RPE65: variants seen among roughly 807,000 people sequenced by gnomAD.
The protein encoded by RPE65 is retinoid isomerohydrolase RPE65.
RPE65 carries 58 observed loss-of-function variants against 68.5 expected under a neutral mutation model. The ratio of observed to expected loss-of-function variants is 0.85; its 90% confidence interval spans 0.69 to 1.05. RPE65 has a LOEUF of 1.05. RPE65 is among the 50% of genes least tolerant of loss of function. The pLI is 0.00. For synonymous variants in RPE65, 220 were observed against 222.2 expected (o/e 0.99, Z 0.09); for missense variants, 643 against 629.9 (o/e 1.02, Z -0.22).
At chr1:68,444,324 C>T (rs1645925707) in intron 5 of RPE65, among the ~76,000 whole-genome samples, 1 of 152,188 alleles carries the variant, frequency 6.6e-6, no homozygotes, top group South Asian at 2.1e-4. Context: ...TAATGTGGCT[C>T]TCATGTTCTT....
rs1408419817 is a variant in RPE65 at position 68,439,455 on chromosome 1, A to T, written c.725+106T>A. ...CATGAAATTAATTATGTTTAAATTTAGTTTTCTGCAAAAAAATATTGTGAT... is the reference window on the plus strand; with the variant it reads ...CATGAAATTAATTATGTTTAAATTTTGTTTTCTGCAAAAAAATATTGTGAT... On this transcript the variant is annotated intron_variant, in intron 7 of 13. Coordinates refer to ENST00000262340, the MANE Select transcript of RPE65 (RefSeq NM_000329.3). 8.4e-6 allele frequency: 13 copies of T among 1,549,630 alleles called. No individual in the cohort carries two copies. In the Admixed American group the frequency reaches 2.2e-4, roughly 26 times the overall value.
chr1:68,444,447 A>T, intron 5 of RPE65, 84 bp downstream of exon 5: 1 of 1,540,594 alleles, frequency 6.5e-7, no homozygotes, highest in Non-Finnish European at 9.0e-7. Flanking sequence ...AGAATCATAC[A>T]TTCGCAGCAT....
At chr1:68,439,704 C>T in intron 6 of RPE65, 62 bp from the exon 7 acceptor site, 1 of 1,260,858 alleles carries the variant, frequency 7.9e-7, no homozygotes, top group Non-Finnish European at 1.2e-6. Context: ...TAATACAAAG[C>T]ATTTAGAACA....
intron 10 of RPE65, among the ~76,000 whole-genome samples, chr1:68,433,579 C>T (rs375570089): frequency 6.6e-5 from 10 of 151,926 alleles, no homozygotes; most frequent in Admixed American, 6.6e-4. Flanking sequence ...AGTGTGGAGG[C>T]GGGAAGTGGG....
At chr1:68,442,832 C>T (rs913432138) in intron 5 of RPE65, among the ~76,000 whole-genome samples, 2 of 152,194 alleles carry the variant, frequency 1.3e-5, no homozygotes, top group African/African-American at 2.4e-5. Flanking sequence ...GTTACACACA[C>T]ACAACATAAA....
rs747122876 is a variant in RPE65, at chr1:68,440,920, A to G, written c.576T>C (p.Ile192=). The part of the protein sequence containing the change: ...HIENDGTVYN[I]GNCFGKNFSI... ...AAAAATTTTTTCCAAAGCAATTACCAATATTGTAAACGGTTCCATCATTTT... is the reference window on the plus strand; with the variant it reads ...AAAAATTTTTTCCAAAGCAATTACCGATATTGTAAACGGTTCCATCATTTT... Residue 192 remains isoleucine (I), a synonymous_variant, in exon 6 of 14, where the codon ATT becomes ATC. Transcript: ENST00000262340. 3 of 1,614,052 alleles carry G rather than the reference A, an allele frequency of 1.9e-6. No homozygotes were observed. Among genetic ancestry groups the G allele is most frequent in the Non-Finnish European group, 2.5e-6 (3 of 1,179,940 alleles).
chr1:68,438,984 T>A lies in RPE65; in HGVS notation c.956A>T (p.Glu319Val). The change falls in exon 9 of 14, where the codon GAA becomes GTA. Residue 319 changes from glutamate (E) to valine (V), a missense_variant. Coordinates refer to ENST00000262340, the MANE Select transcript of RPE65 (RefSeq NM_000329.3). ...FNLFHHINTY[E>V]DNGFLIVDLC... Reference sequence around the variant, plus strand: ...ATCCACAATCAGAAACCCATTGTCTTCATAGGTGTTGATGTGATGGAAGAG... The same window carrying A: ...ATCCACAATCAGAAACCCATTGTCTACATAGGTGTTGATGTGATGGAAGAG... 3 of 1,614,088 alleles carry A rather than the reference T, an allele frequency of 1.9e-6. No individual in the cohort carries two copies. The highest frequency in any genetic ancestry group is 2.5e-6 in the Non-Finnish European group (3 of 1,179,964).
intron 10 of RPE65, among the ~76,000 whole-genome samples, chr1:68,437,820 C>G (rs1443981424): frequency 6.6e-6 from 1 of 152,162 alleles, no homozygotes; most frequent in Non-Finnish European, 1.5e-5. Context: ...TGCTTCATCT[C>G]TCCAGAACTT....
In RPE65 at chr1:68,444,659, A is replaced by G. The variant is rs761099368; in HGVS notation, c.367T>C (p.Phe123Leu). Residue 123 changes from phenylalanine (F) to leucine (L), a missense_variant, in exon 5 of 14, where the codon TTT becomes CTT. Phe to Leu is a conservative substitution (Grantham distance 22, BLOSUM62 0). Coordinates refer to ENST00000262340, the MANE Select transcript of RPE65 (RefSeq NM_000329.3). ...TTGTCAGTAACCTCTACTCCTCGAAAGTAAGAAAAAAACCTGTAGAAACAA... is the reference window on the plus strand; with the variant it reads ...TTGTCAGTAACCTCTACTCCTCGAAGGTAAGAAAAAAACCTGTAGAAACAA... ...KNIFSRFFSY[F>L]RGVEVTDNAL... is the part of the protein sequence containing the mutation. The G allele has an allele frequency of 6.2e-7, 1 of 1,614,220 alleles. No individual in the cohort carries two copies. The highest frequency in any genetic ancestry group is 1.7e-5 in the Admixed American group (1 of 60,032).
chr1:68,435,683 T>C (rs1645858009), intron 10 of RPE65, among the ~76,000 whole-genome samples: 1 of 152,210 alleles, frequency 6.6e-6, no homozygotes, highest in South Asian at 2.1e-4. Flanking sequence ...CTTCAGTTGT[T>C]CTGCCTCAAT....
chr1:68,442,982 T>C (rs894952584), intron 5 of RPE65, among the ~76,000 whole-genome samples: 2 of 152,248 alleles, frequency 1.3e-5, no homozygotes, highest in African/African-American at 4.8e-5. Context: ...TTTGTGGTTC[T>C]GGCTTTTAGT....
chr1:68,431,492 G>A lies in RPE65; in HGVS notation c.1222C>T (p.Leu408Phe). The A allele has an allele frequency of 6.2e-7, 1 of 1,613,928 alleles. No individual in the cohort carries two copies. Among genetic ancestry groups the A allele is most frequent in the Non-Finnish European group, 8.5e-7 (1 of 1,179,894 alleles). ...DETIWLEPEV[L>F]FSGPRQAFEF... ...TCACCTTGACGAGGCCCTGAAAAGA[G>A]AACTTCAGGCTCCAGCCAGATAGTC... is the stretch of plus-strand genomic sequence containing the variant. The change falls in exon 11 of 14, where the codon CTC becomes TTC. Residue 408 changes from leucine to phenylalanine, a missense_variant. Leu to Phe is a conservative substitution (Grantham distance 22). Coordinates refer to ENST00000262340, the MANE Select transcript of RPE65 (RefSeq NM_000329.3).
At chr1:68,447,276 A>G (rs1300367956) in intron 2 of RPE65, among the ~76,000 whole-genome samples, 2 of 152,236 alleles carry the variant, frequency 1.3e-5, no homozygotes, top group Non-Finnish European at 2.9e-5. Context: ...GTGAGAATAA[A>G]TGTATTTTAA....
chr1:68,440,409 T>A (rs1227896433), intron 6 of RPE65, among the ~76,000 whole-genome samples: 3 of 152,212 alleles, frequency 2.0e-5, no homozygotes, highest in Non-Finnish European at 4.4e-5. Context: ...TTCTATGAGA[T>A]AACAGATTTG....
At chr1:68,436,110 TTTAAG>T (rs1469026626) in intron 10 of RPE65, among the ~76,000 whole-genome samples, 1 of 152,238 alleles carries the variant, frequency 6.6e-6, no homozygotes, top group Non-Finnish European at 1.5e-5. Context: ...AATGTGAATA[TTTAAG>T]TTAAGTGATC....
chr1:68,440,973 T>G lies in RPE65; in HGVS notation c.523A>C (p.Asn175His). ...ATGTGGGGGTGAGCAGTGGCCCCAT[T>G]GACAGAGACATAGTTGCAAAGATCA... is the stretch of plus-strand genomic sequence containing the variant. ...QVDLCNYVSV[N>H]GATAHPHIEN... Residue 175 changes from asparagine to histidine, a missense_variant, in exon 6 of 14, where the codon AAT becomes CAT. Coordinates refer to ENST00000262340, the MANE Select transcript of RPE65 (RefSeq NM_000329.3). The G allele has an allele frequency of 6.2e-7, 1 of 1,613,954 alleles. No individual in the cohort carries two copies. The highest frequency in any genetic ancestry group is 8.5e-7 in the Non-Finnish European group (1 of 1,179,900).
chr1:68,443,784 TAAA>T (rs1645920231), intron 5 of RPE65, among the ~76,000 whole-genome samples: 1 of 152,230 alleles, frequency 6.6e-6, no homozygotes, highest in Non-Finnish European at 1.5e-5. Context: ...CAATGCCTTG[TAAA>T]TAGGTGTATC....
At chr1:68,448,827 G>T in intron 1 of RPE65, 121 bp from the exon 2 acceptor site, 1 of 437,942 alleles carries the variant, frequency 2.3e-6, no homozygotes, top group Non-Finnish European at 4.5e-6. Flanking sequence ...CACTCCTGCC[G>T]GTCTAGTCTC....
chr1:68,445,431 T>A (rs561687694), intron 3 of RPE65, among the ~76,000 whole-genome samples: 2 of 152,278 alleles, frequency 1.3e-5, no homozygotes, highest in South Asian at 4.1e-4. Flanking sequence ...TGCTAAACCA[T>A]ATCTTAGAGT....
Sources: allele counts gnomAD v4.1 joint callset (sites outside exome capture counted in the v4.1 genomes callset), GRCh38; gene constraint gnomAD v4.1.1; transcripts MANE v1.5; gene names NCBI Gene and HGNC (gene_info 2026-07-23, HGNC 2026-07-21).